The following CNTN5 variants were observed in gnomAD, a reference collection of about 807,000 sequenced individuals.
CNTN5 encodes the protein contactin 5.
A neutral mutation model predicts 129.1 loss-of-function variants in CNTN5; 77 were observed. The ratio of observed to expected loss-of-function variants is 0.60; its 90% confidence interval spans 0.50 to 0.72. The LOEUF (loss-of-function observed/expected upper bound fraction) is 0.72. Among genes scored for constraint, CNTN5 ranks in the 30% least tolerant of loss-of-function variants. The pLI is 0.00. For synonymous variants in CNTN5, 509 were observed against 465.6 expected, an observed-to-expected ratio of 1.09 and a Z score of -1.20; for missense variants, 1,478 against 1,328.8, an observed-to-expected ratio of 1.11 and a Z score of -1.75.
chr11:100,197,096 AG>A (rs1377874610), intron 15 of CNTN5, among the ~76,000 whole-genome samples: 1 of 151,970 alleles, frequency 6.6e-6, no homozygotes, highest in Non-Finnish European at 1.5e-5. Flanking sequence ...TTCAAATGGA[AG>A]GATTTCAGCA....
chr11:99,766,080 A>G (rs759483988), intron 3 of CNTN5, among the ~76,000 whole-genome samples: 2 of 152,038 alleles, frequency 1.3e-5, no homozygotes, highest in Non-Finnish European at 2.9e-5. Flanking sequence ...ATAATATCGT[A>G]CTTCCTACTG....
chr11:99,124,455 G>A (rs1289672375), intron 1 of CNTN5, among the ~76,000 whole-genome samples: 1 of 151,890 alleles, frequency 6.6e-6, no homozygotes, highest in Non-Finnish European at 1.5e-5. Flanking sequence ...TCTGTGTGTA[G>A]AATCATAACA....
chr11:99,589,017 T>C (rs1341307972), intron 3 of CNTN5, among the ~76,000 whole-genome samples: 2 of 152,216 alleles, frequency 1.3e-5, no homozygotes, highest in Admixed American at 1.3e-4. Context: ...ATAATATATG[T>C]ATCTTGATAG....
chr11:99,463,973 A>T (rs1465173234), intron 2 of CNTN5, among the ~76,000 whole-genome samples: 1 of 152,210 alleles, frequency 6.6e-6, no homozygotes, highest in Non-Finnish European at 1.5e-5. Flanking sequence ...TAAAAAGTAA[A>T]ACTATACCCT....
intron 2 of CNTN5, among the ~76,000 whole-genome samples, chr11:99,554,266 G>A (rs1211118269): frequency 6.6e-6 from 1 of 152,034 alleles, no homozygotes; most frequent in Admixed American, 6.6e-5. Context: ...GTTTGACACT[G>A]ACTTATTTAT....
chr11:99,777,925 T>G (rs958869882), intron 3 of CNTN5, among the ~76,000 whole-genome samples: 1 of 151,868 alleles, frequency 6.6e-6, no homozygotes, highest in Non-Finnish European at 1.5e-5. Context: ...GACAACCCCA[T>G]TAAACACAGG....
At chr11:99,904,205 T>C (rs1485456061) in intron 6 of CNTN5, among the ~76,000 whole-genome samples, 1 of 152,124 alleles carries the variant, frequency 6.6e-6, no homozygotes, top group East Asian at 1.9e-4. Context: ...AGGTATACAC[T>C]TGCTATGGTG....
chr11:99,643,279 G>T (rs1431831922), intron 3 of CNTN5, among the ~76,000 whole-genome samples: 1 of 151,964 alleles, frequency 6.6e-6, no homozygotes, highest in South Asian at 2.1e-4. Flanking sequence ...AGGTGTATAC[G>T]AATATTTGAT....
At chr11:100,085,437 A>T (rs1473046912) in intron 13 of CNTN5, among the ~76,000 whole-genome samples, 1 of 152,068 alleles carries the variant, frequency 6.6e-6, no homozygotes, top group Non-Finnish European at 1.5e-5. Flanking sequence ...GTTATATTCA[A>T]TTCAATTTAT....
At chr11:99,169,501 AAAAG>A (rs1861047259) in intron 1 of CNTN5, among the ~76,000 whole-genome samples, 2 of 152,220 alleles carry the variant, frequency 1.3e-5, no homozygotes, top group Middle Eastern at 3.4e-3. Context: ...ATGAAAGAGG[AAAAG>A]AAAGAAAGTA....
At chr11:99,081,513 C>T (rs992778897) in intron 1 of CNTN5, among the ~76,000 whole-genome samples, 9 of 152,218 alleles carry the variant, frequency 5.9e-5, no homozygotes, top group East Asian at 1.9e-4. Context: ...ATCACAAATG[C>T]ATTTCTCAGA....
At chr11:99,549,246 A>C (rs1447852781) in intron 2 of CNTN5, among the ~76,000 whole-genome samples, 1 of 152,074 alleles carries the variant, frequency 6.6e-6, no homozygotes, top group Non-Finnish European at 1.5e-5. Flanking sequence ...ATTTTTGACT[A>C]TTGAGATTTT....
intron 2 of CNTN5, among the ~76,000 whole-genome samples, chr11:99,425,790 G>GT (rs1424307837): frequency 6.6e-6 from 1 of 152,218 alleles, no homozygotes; most frequent in Admixed American, 6.5e-5. Flanking sequence ...TGCCAGCTCA[G>GT]TAGGGGCATG....
At chr11:99,345,805 A>C (rs1057498975) in intron 2 of CNTN5, among the ~76,000 whole-genome samples, 22 of 152,186 alleles carry the variant, frequency 1.4e-4, no homozygotes, top group African/African-American at 5.3e-4. Context: ...TATGCCTTTC[A>C]TTTTGTATAC....
At chr11:99,062,420 C>T (rs988210953) in intron 1 of CNTN5, among the ~76,000 whole-genome samples, 107 of 152,168 alleles carry the variant, frequency 7.0e-4, no homozygotes, top group Non-Finnish European at 1.3e-4. Context: ...TAACTAGTAG[C>T]ATTCTGACAG....
chr11:99,832,710 A>G (rs1015705738), intron 4 of CNTN5, among the ~76,000 whole-genome samples: 2 of 152,188 alleles, frequency 1.3e-5, no homozygotes, highest in African/African-American at 2.4e-5. Context: ...TATAATTTCT[A>G]GTTAACACTT....
chr11:99,284,204 G>A (rs1863823110), intron 1 of CNTN5, among the ~76,000 whole-genome samples: 1 of 152,022 alleles, frequency 6.6e-6, no homozygotes, highest in East Asian at 1.9e-4. Context: ...ATTGGAAATT[G>A]AGTTCCTTTA....
At chr11:99,825,027 T>A (rs1399728652) in intron 4 of CNTN5, among the ~76,000 whole-genome samples, 1 of 152,046 alleles carries the variant, frequency 6.6e-6, no homozygotes, top group East Asian at 1.9e-4. Context: ...ATCAATCTGT[T>A]ACTGTTGTCT....
intron 3 of CNTN5, among the ~76,000 whole-genome samples, chr11:99,727,683 T>C (rs745616511): frequency 2.4e-4 from 37 of 151,926 alleles, no homozygotes; most frequent in Non-Finnish European, 4.3e-4. Context: ...TGGAAAAAAA[T>C]GAAGAGATAT....
Sources: gnomAD v4.1 joint callset for allele counts (sites outside exome capture counted in the v4.1 genomes callset) on GRCh38, gnomAD v4.1.1 for gene constraint, MANE v1.5 for transcripts, NCBI Gene and HGNC (gene_info 2026-07-23, HGNC 2026-07-21) for gene names.